PPARGC1B: variants seen among roughly 807,000 people sequenced by gnomAD.
PPARGC1B encodes PPARG coactivator 1 beta, also known as peroxisome proliferator-activated receptor gamma coactivator 1-beta.
Under a neutral mutation model 101.6 loss-of-function variants are expected in PPARGC1B, and 34 were observed. The ratio of observed to expected loss-of-function variants is 0.33; its 90% CI spans 0.25 to 0.45. PPARGC1B has a LOEUF of 0.45. Among genes scored for constraint, PPARGC1B ranks in the 20% least tolerant of loss-of-function variants. PPARGC1B has a pLI of 1.00. For missense variants in PPARGC1B, 1,234 were observed against 1,317.6 expected (o/e 0.94, Z 0.98); for synonymous variants, 548 against 539.3 (o/e 1.02, Z -0.22).
Position 149,826,852 on chromosome 5 carries a change from G to T in PPARGC1B, c.432G>T (p.Ser144=), listed in dbSNP as rs367827876. ...CCAGCCCTGCCCCGGAGAAGCCCTC[G>T]GCCCCAGCCCCTGAGGTGGACGAGC... ...APPSPAPEKP[S]APAPEVDELS... Residue 144 remains serine (S), a synonymous_variant, in exon 3 of 12, where the codon TCG becomes TCT. Coordinates refer to ENST00000309241, the MANE Select transcript of PPARGC1B (RefSeq NM_133263.4). 1.8e-5 allele frequency: 29 copies of T among 1,613,144 alleles called. No homozygotes were observed. Among genetic ancestry groups the T allele is most frequent in the Non-Finnish European group, 2.4e-5 (28 of 1,179,478 alleles).
At chr5:149,761,592 T>C (rs907322116) in intron 1 of PPARGC1B, 2 of 152,132 alleles carry the variant, frequency 1.3e-5, no homozygotes, top group Non-Finnish European at 2.9e-5. Flanking sequence ...TGTTGACAGA[T>C]GAATGGATAA....
At chr5:149,845,630 T>G (rs1183330186) in intron 10 of PPARGC1B, 130 bp from the exon 11 acceptor site, 1 of 923,412 alleles carries the variant, frequency 1.1e-6, no homozygotes, top group Non-Finnish European at 1.7e-6. Context: ...CATCATCATC[T>G]CTATCTAGGG....
intron 1 of PPARGC1B, among the ~76,000 whole-genome samples, chr5:149,744,415 G>A (rs1477168164): frequency 1.3e-5 from 2 of 152,240 alleles, no homozygotes; most frequent in African/African-American, 4.8e-5. Flanking sequence ...GGGCCAATTA[G>A]TGAGGGGGCT....
intron 1 of PPARGC1B, among the ~76,000 whole-genome samples, chr5:149,808,552 C>A (rs576737757): frequency 2.6e-5 from 4 of 152,050 alleles, no homozygotes; most frequent in African/African-American, 9.7e-5. Flanking sequence ...GGGCCTGGAA[C>A]CAGGAAAGAA....
chr5:149,810,244 T>C (rs1281605594), intron 1 of PPARGC1B, among the ~76,000 whole-genome samples: 2 of 152,240 alleles, frequency 1.3e-5, no homozygotes, highest in African/African-American at 4.8e-5. Context: ...GCAGACACAA[T>C]GTGTATATTA....
chr5:149,833,856 C>A lies in PPARGC1B; in HGVS notation c.1705+78C>A. 1 of 1,420,572 alleles carries A rather than the reference C, an allele frequency of 7.0e-7. No individual in the cohort carries two copies. Among genetic ancestry groups the A allele is most frequent in the Non-Finnish European group, 9.2e-7 (1 of 1,092,026 alleles). The allele number at this position is 1,420,572 out of a possible 1,614,324, so 88.0% of individuals were successfully genotyped here. On this transcript the variant is annotated intron_variant, in intron 5 of 11. Coordinates refer to ENST00000309241, the MANE Select transcript of PPARGC1B (RefSeq NM_133263.4). The surrounding 1 kb of genome is among the most constrained non-coding windows in gnomAD (Gnocchi z 4.1). ...CCCCTCTGCACTGGGAGCCAGGAGC[C>A]CTGTGTTCAAGTCCCCGTCCCCCAA... is the stretch of plus-strand genomic sequence containing the variant.
chr5:149,785,645 C>T lies in PPARGC1B; in HGVS notation c.79-34788C>T, dbSNP rs117153525. ...CTGCCTCTCCTGAGAGCCCAGTCCCCGTTCTTCATGCACAAAGACAAAGAC... is the reference window on the plus strand; with the variant it reads ...CTGCCTCTCCTGAGAGCCCAGTCCCTGTTCTTCATGCACAAAGACAAAGAC... On this transcript the variant is annotated intron_variant, in intron 1 of 11. Coordinates refer to ENST00000309241, the MANE Select transcript of PPARGC1B (RefSeq NM_133263.4). Among the ~76,000 whole-genome samples, 77 of 152,332 alleles carry T rather than the reference C, an allele frequency of 5.1e-4. No individual in the cohort carries two copies. The East Asian group carries it at 0.014, about 27-fold the overall frequency.
chr5:149,762,251 C>T (rs1386103366), intron 1 of PPARGC1B, among the ~76,000 whole-genome samples: 3 of 151,126 alleles, frequency 2.0e-5, no homozygotes, highest in South Asian at 2.1e-4. Context: ...TAGGCTTAAG[C>T]GCTCCTCCTG....
chr5:149,785,007 G>T (rs532664365), intron 1 of PPARGC1B, among the ~76,000 whole-genome samples: 1 of 152,318 alleles, frequency 6.6e-6, no homozygotes, highest in African/African-American at 2.4e-5. Context: ...CCTGGTGCAG[G>T]TTAGCAGTTC....
Position 149,835,958 on chromosome 5 carries a change from CT to C in PPARGC1B, c.1808-288del, listed in dbSNP as rs1202446844. Among the ~76,000 whole-genome samples, 780 of 128,036 alleles carry C rather than the reference CT, an allele frequency of 6.1e-3. 3 individuals are homozygous for C. Among genetic ancestry groups the C allele is most frequent in the African/African-American group, 9.3e-3 (329 of 35,290 alleles). 84.0% of individuals were successfully genotyped at this position (128,036 alleles called of 152,430 possible). A position where few individuals can be genotyped will look rare whatever the true frequency, so the allele number is the denominator to read the frequency against. ...TCCCAAACTAGGGTCTTTTTTTTTT[CT>C]TTTTTTTTTTTTTTTTGAGACATAG... On this transcript the variant is annotated intron_variant, in intron 7 of 11. Coordinates refer to ENST00000309241, the MANE Select transcript of PPARGC1B (RefSeq NM_133263.4).
At chr5:149,776,881 C>T (rs1756381124) in intron 1 of PPARGC1B, among the ~76,000 whole-genome samples, 1 of 152,238 alleles carries the variant, frequency 6.6e-6, no homozygotes, top group Non-Finnish European at 1.5e-5. Context: ...AGAGGCTCTC[C>T]TGGCTTCCTG....
chr5:149,807,328 G>T (rs918136567), intron 1 of PPARGC1B, among the ~76,000 whole-genome samples: 1 of 151,958 alleles, frequency 6.6e-6, no homozygotes. Flanking sequence ...CATGTCCCTA[G>T]GCACATCTGA....
chr5:149,825,424 G>A (rs747822410), intron 2 of PPARGC1B, among the ~76,000 whole-genome samples: 9 of 152,242 alleles, frequency 5.9e-5, no homozygotes, highest in Admixed American at 1.3e-4. Context: ...TCAGCCAAGC[G>A]CTGTGCCTCT....
intron 1 of PPARGC1B, among the ~76,000 whole-genome samples, chr5:149,813,526 A>G (rs531778916): frequency 3.3e-5 from 5 of 152,278 alleles, no homozygotes; most frequent in African/African-American, 1.2e-4. Flanking sequence ...GTGAGCCGGC[A>G]GGTTTAGAAC....
chr5:149,744,899 G>A (rs1755032168), intron 1 of PPARGC1B, among the ~76,000 whole-genome samples: 1 of 140,374 alleles, frequency 7.1e-6, no homozygotes, highest in Non-Finnish European at 1.5e-5. Context: ...TCAAATTTTA[G>A]CTTTGTGACT....
chr5:149,796,254 C>T (rs1224997566), intron 1 of PPARGC1B, among the ~76,000 whole-genome samples: 1 of 152,098 alleles, frequency 6.6e-6, no homozygotes, highest in East Asian at 1.9e-4. Context: ...GACATTTGAT[C>T]TAAACATCAG....
intron 1 of PPARGC1B, among the ~76,000 whole-genome samples, chr5:149,747,546 C>A (rs1390419313): frequency 6.6e-6 from 1 of 152,220 alleles, no homozygotes; most frequent in African/African-American, 2.4e-5. Flanking sequence ...AGGGCCCCGC[C>A]CCAAAATATC....
chr5:149,761,004 G>T (rs150321090), intron 1 of PPARGC1B, among the ~76,000 whole-genome samples: 1 of 152,220 alleles, frequency 6.6e-6, no homozygotes, highest in Non-Finnish European at 1.5e-5. Context: ...GTTCAGTGAT[G>T]CTGGCAGGCA....
chr5:149,745,413 G>A (rs935770752), intron 1 of PPARGC1B, among the ~76,000 whole-genome samples: 1 of 152,162 alleles, frequency 6.6e-6, no homozygotes, highest in African/African-American at 2.4e-5. Flanking sequence ...GACCTATAGA[G>A]TGAGAATCTT....
Sources: allele counts gnomAD v4.1 joint callset (sites outside exome capture counted in the v4.1 genomes callset), GRCh38; gene constraint gnomAD v4.1.1; non-coding constraint Gnocchi (gnomAD v3.1); transcripts MANE v1.5; gene names NCBI Gene and HGNC (gene_info 2026-07-23, HGNC 2026-07-21).